The following HAVCR1 variants were observed in gnomAD, a reference collection of about 807,000 sequenced individuals.
HAVCR1 encodes hepatitis A virus cellular receptor 1, also known as T cell immunoglobin domain and mucin domain protein 1.
Under a neutral mutation model 32.0 loss-of-function variants are expected in HAVCR1, and 34 were observed. That is an observed-to-expected ratio of 1.06 (90% CI 0.81 to 1.42). HAVCR1 has a LOEUF of 1.42. HAVCR1 is among the 40% of genes most tolerant of loss of function. The pLI, the probability that HAVCR1 is intolerant of heterozygous loss-of-function variation, is 0.00. For missense variants in HAVCR1, 420 were observed against 442.3 expected, an observed-to-expected ratio of 0.95 and a Z score of 0.45; for synonymous variants, 178 against 170.3, an observed-to-expected ratio of 1.05 and a Z score of -0.35.
At chr5:157,038,352 G>A (rs550318824) in intron 6 of HAVCR1, among the ~76,000 whole-genome samples, 3 of 152,244 alleles carry the variant, frequency 2.0e-5, no homozygotes, top group African/African-American at 7.2e-5. Context: ...CCTAAAGAGA[G>A]CCCACCGGGA....
the HAVCR1 span, among the ~76,000 whole-genome samples, chr5:157,066,494 G>T: frequency 1.8e-4 from 22 of 121,136 alleles, no homozygotes; most frequent in African/African-American, 5.4e-4. Context: ...GACAGAGTGA[G>T]TCCCCATCTT....
rs1553317 is a variant in HAVCR1 at position 157,052,413 on chromosome 5, A to C, written c.621T>G (p.Thr207=). The C allele has an allele frequency of 0.86, 1,383,080 of 1,613,720 alleles. 594,257 individuals are homozygous for C. Among genetic ancestry groups the C allele is most frequent in the East Asian group, 0.98 (44,091 of 44,880 alleles). ...GCATTGGAGGAACAAAGGTAGAGAC[A>C]GTTGTTGTCACTGGAACACTTGTTG... ...PTTTSVPVTT[T]VSTFVPPMPL... The change falls in exon 4 of 9, where the codon ACT becomes ACG. Residue 207 remains threonine (T), a synonymous_variant. Transcript: ENST00000523175.
chr5:157,044,387 A>T (rs1228295816), intron 5 of HAVCR1, among the ~76,000 whole-genome samples: 1 of 39,766 alleles, frequency 2.5e-5, no homozygotes, highest in Non-Finnish European at 4.6e-5. Flanking sequence ...GAAGGAAGGA[A>T]GGAAGGAAGG....
chr5:157,042,942 T>C (rs1754999889), intron 5 of HAVCR1, among the ~76,000 whole-genome samples: 1 of 152,240 alleles, frequency 6.6e-6, no homozygotes, highest in Non-Finnish European at 1.5e-5. Flanking sequence ...ATAATGCATG[T>C]GCACACACAT....
chr5:157,045,818 AAAATGGCAGCAGCCACAC>A (rs1755362730), intron 5 of HAVCR1, among the ~76,000 whole-genome samples: 1 of 152,176 alleles, frequency 6.6e-6, no homozygotes, highest in South Asian at 2.1e-4. Flanking sequence ...ATCCACGGCC[AAAATGGCAGCAGCCACAC>A]AAATCCTGGG....
intron 7 of HAVCR1, 113 bp downstream of exon 7, chr5:157,037,134 G>A: frequency 5.6e-6 from 4 of 718,674 alleles, no homozygotes; most frequent in South Asian, 3.1e-5. Flanking sequence ...AGGATTTGGG[G>A]AGACAAAGGG....
In HAVCR1 at chr5:157,029,797, A is replaced by G. The variant is rs745340159; in HGVS notation, c.1031T>C (p.Val344Ala). 6.2e-7 allele frequency: 1 copy of G among 1,612,278 alleles called. No individual in the cohort carries two copies. The highest frequency in any genetic ancestry group is 8.5e-7 in the Non-Finnish European group (1 of 1,179,180). ...SLQIKALQNA[V>A]EKEVQAEDNI... ...GTCTTCTGCTTGGACTTCCTTTTCA[A>G]CTGCATTTTGCAAAGCTTTAATTTG... The change falls in exon 9 of 9, where the codon GTT becomes GCT. Residue 344 changes from valine to alanine, a missense_variant. Transcript: ENST00000523175.
intron 7 of HAVCR1, among the ~76,000 whole-genome samples, chr5:157,036,738 T>C (rs1754554905): frequency 6.6e-6 from 1 of 152,178 alleles, no homozygotes; most frequent in African/African-American, 2.4e-5. Flanking sequence ...TGTCTCACTA[T>C]GTTGCCCAGG....
intron 7 of HAVCR1, among the ~76,000 whole-genome samples, chr5:157,035,748 C>T (rs980749608): frequency 6.6e-6 from 1 of 151,852 alleles, no homozygotes; most frequent in African/African-American, 2.4e-5. Flanking sequence ...CCCTCGATGT[C>T]CACAGGTTTG....
chr5:157,055,078 G>T, intron 3 of HAVCR1, 123 bp downstream of exon 3: 1 of 587,544 alleles, frequency 1.7e-6, no homozygotes, highest in East Asian at 2.8e-5. Context: ...TATTTCCCAA[G>T]AACAAGAGTT....
upstream of HAVCR1, among the ~76,000 whole-genome samples, chr5:157,060,416 C>T (rs1220833432): frequency 6.6e-6 from 1 of 152,070 alleles, no homozygotes; most frequent in African/African-American, 2.4e-5. Flanking sequence ...CCATCTAGCT[C>T]CCCAGCCCCA....
intron 4 of HAVCR1, among the ~76,000 whole-genome samples, chr5:157,051,375 T>C (rs1313554518): frequency 6.6e-6 from 1 of 152,060 alleles, no homozygotes; most frequent in Non-Finnish European, 1.5e-5. Context: ...TGTTTAAGGG[T>C]TTTTTTCAGT....
At chr5:157,064,965 C>A in the HAVCR1 span, among the ~76,000 whole-genome samples, 1 of 152,112 alleles carries the variant, frequency 6.6e-6, no homozygotes, top group Non-Finnish European at 1.5e-5. Context: ...ATGTCTTAGA[C>A]CTGTGTGGAG....
At chr5:157,046,832 CT>C (rs1427242715) in intron 5 of HAVCR1, among the ~76,000 whole-genome samples, 1 of 151,986 alleles carries the variant, frequency 6.6e-6, no homozygotes, top group African/African-American at 2.4e-5. Context: ...TAACTTGGGC[CT>C]TTTATAAGAG....
chr5:157,055,476 G>A lies in HAVCR1; in HGVS notation c.104C>T (p.Pro35Leu), dbSNP rs1224965064. The A allele has an allele frequency of 6.2e-7, 1 of 1,608,608 alleles. No homozygotes were observed. Among genetic ancestry groups the A allele is most frequent in the African/African-American group, 1.3e-5 (1 of 74,964 alleles). ...GGEAGPSVTL[P>L]CHYSGAVTSM... ...TGTGACAGCTCCACTGTAGTGGCAG[G>A]GTAGTGTGACAGATGGACCTGCCTC... Residue 35 changes from proline (P) to leucine (L), a missense_variant, in exon 3 of 9, where the codon CCC (proline) becomes CTC (leucine). Pro to Leu is a moderately conservative substitution (Grantham distance 98). Transcript: ENST00000523175.
chr5:157,053,675 G>A (rs1043361752), intron 3 of HAVCR1, among the ~76,000 whole-genome samples: 16 of 152,184 alleles, frequency 1.1e-4, no homozygotes, highest in Non-Finnish European at 1.5e-4. Flanking sequence ...TTTGAGACCA[G>A]CTTGGCCAAC....
At chr5:157,048,310 A>G (rs991508425) in intron 5 of HAVCR1, among the ~76,000 whole-genome samples, 14 of 152,220 alleles carry the variant, frequency 9.2e-5, no homozygotes, top group African/African-American at 2.9e-4. Context: ...TTCAGATTCA[A>G]GACTGGTTGA....
chr5:157,069,259 C>T, the HAVCR1 span, among the ~76,000 whole-genome samples: 6 of 152,198 alleles, frequency 3.9e-5, no homozygotes, highest in Non-Finnish European at 8.8e-5. Context: ...TTTCTTGGCT[C>T]AATCATTATT....
intron 4 of HAVCR1, among the ~76,000 whole-genome samples, chr5:157,051,098 A>G (rs1400850183): frequency 6.6e-6 from 1 of 152,232 alleles, no homozygotes; most frequent in Admixed American, 6.5e-5. Context: ...CAGAATGACA[A>G]GCTATTTCCC....
Sources: allele counts gnomAD v4.1 joint callset (sites outside exome capture counted in the v4.1 genomes callset), GRCh38; gene constraint gnomAD v4.1.1; transcripts MANE v1.5; gene names NCBI Gene and HGNC (gene_info 2026-07-23, HGNC 2026-07-21).